The following RBKS variants were observed in gnomAD, a reference collection of about 807,000 sequenced individuals.
RBKS encodes the protein ribokinase.
Under a neutral mutation model 33.9 loss-of-function variants are expected in RBKS, and 33 were observed. The observed-to-expected ratio is 0.97, with a 90% confidence interval of 0.74 to 1.30. RBKS has a LOEUF of 1.30. Ranked by LOEUF, RBKS falls within the 50% of genes most tolerant of loss-of-function variation. The probability of loss-of-function intolerance (pLI) is 0.00; values close to 1 mark genes in which losing one functional copy is unlikely to be tolerated. For missense variants in RBKS, 361 were observed against 392.6 expected (o/e 0.92, Z 0.68); for synonymous variants, 125 against 143.0 (o/e 0.87, Z 0.90).
intron 1 of RBKS, among the ~76,000 whole-genome samples, chr2:27,866,682 ATTT>A (rs922432639): frequency 6.6e-6 from 1 of 151,898 alleles, no homozygotes; most frequent in East Asian, 1.9e-4. Flanking sequence ...CATCCAGTGG[ATTT>A]TTTATTTCAG....
intron 2 of RBKS, among the ~76,000 whole-genome samples, chr2:27,852,598 G>C (rs1437310817): frequency 6.6e-6 from 1 of 152,070 alleles, no homozygotes; most frequent in Non-Finnish European, 1.5e-5. Flanking sequence ...GGTTGTTTAG[G>C]CTGCTTGGAA....
At chr2:27,788,902 C>A (rs1311917377) in intron 7 of RBKS, among the ~76,000 whole-genome samples, 1 of 152,118 alleles carries the variant, frequency 6.6e-6, no homozygotes, top group Non-Finnish European at 1.5e-5. Flanking sequence ...ACTCAATATT[C>A]TTAAGATATA....
At chr2:27,802,540 G>A (rs1040305115) in intron 7 of RBKS, among the ~76,000 whole-genome samples, 4 of 151,900 alleles carry the variant, frequency 2.6e-5, no homozygotes, top group Non-Finnish European at 4.4e-5. Context: ...CCTTGGCATG[G>A]GATGATGATG....
intron 7 of RBKS, among the ~76,000 whole-genome samples, chr2:27,826,459 A>G (rs1329406989): frequency 6.7e-6 from 1 of 149,708 alleles, no homozygotes; most frequent in African/African-American, 2.5e-5. Flanking sequence ...GCCAGGCTAG[A>G]GTGCAGTGGT....
At chr2:27,843,343 T>C in intron 4 of RBKS, 112 bp from the exon 5 acceptor site, 8 of 759,422 alleles carry the variant, frequency 1.1e-5, no homozygotes, top group Non-Finnish European at 1.6e-5. Flanking sequence ...AAATGTGTTA[T>C]TAAGTATTAA....
Position 27,782,670 on chromosome 2 carries a change from T to C in RBKS, c.796-882A>G, listed in dbSNP as rs1034254976. The C allele has an allele frequency of 2.2e-5, 10 of 454,434 alleles. No individual in the cohort carries two copies. In the Admixed American group the frequency reaches 2.4e-4, roughly 11 times the overall value. The allele number at this position is 454,434 out of a possible 1,614,324, so 28.2% of individuals were successfully genotyped here. A position where few individuals can be genotyped will look rare whatever the true frequency, so the allele number is the denominator to read the frequency against. ...GATCAACATGACTTCTTACTGATGG[T>C]GTTAACCCTGGTCACCTGGCTAAGG... On this transcript the variant is annotated intron_variant, in intron 7 of 7. Transcript: ENST00000302188.
intron 4 of RBKS, 34 bp downstream of exon 4, chr2:27,847,008 T>C (rs373776144): frequency 6.9e-7 from 1 of 1,449,580 alleles, no homozygotes; most frequent in Non-Finnish European, 9.7e-7. Flanking sequence ...TACACTGTCT[T>C]ATGAAATGAC....
chr2:27,844,544 C>T (rs975712719), intron 4 of RBKS, among the ~76,000 whole-genome samples: 2 of 151,872 alleles, frequency 1.3e-5, no homozygotes, highest in African/African-American at 2.4e-5. Context: ...AGGGGTGTGC[C>T]GCCACGCCTG....
chr2:27,888,903 C>T (rs1257882385), intron 1 of RBKS, among the ~76,000 whole-genome samples: 6 of 152,256 alleles, frequency 3.9e-5, no homozygotes, highest in African/African-American at 1.4e-4. Flanking sequence ...GTACAGGCCT[C>T]TTCAACAAAT....
intron 5 of RBKS, among the ~76,000 whole-genome samples, chr2:27,842,854 C>T (rs910818681): frequency 2.0e-5 from 3 of 151,668 alleles, no homozygotes; most frequent in African/African-American, 7.3e-5. Context: ...ATTTATATTG[C>T]GGGATATCGG....
intron 7 of RBKS, among the ~76,000 whole-genome samples, chr2:27,804,048 A>G (rs1438342571): frequency 1.3e-5 from 2 of 152,134 alleles, no homozygotes; most frequent in South Asian, 2.1e-4. Flanking sequence ...AAAAGAGCAA[A>G]TATTTTCTGG....
intron 1 of RBKS, among the ~76,000 whole-genome samples, chr2:27,880,647 C>T (rs909629162): frequency 1.1e-4 from 16 of 152,120 alleles, no homozygotes; most frequent in African/African-American, 1.7e-4. Context: ...TAATTAAGAA[C>T]ATAATCCCAT....
At chr2:27,884,911 T>C (rs1314996166) in intron 1 of RBKS, among the ~76,000 whole-genome samples, 4 of 152,186 alleles carry the variant, frequency 2.6e-5, no homozygotes, top group Non-Finnish European at 5.9e-5. Flanking sequence ...TTAAATGTTG[T>C]AGTGCCCTAG....
chr2:27,862,763 C>A (rs575311704), intron 1 of RBKS, among the ~76,000 whole-genome samples: 1 of 152,270 alleles, frequency 6.6e-6, no homozygotes, highest in South Asian at 2.1e-4. Context: ...CAGACTAAGA[C>A]AGTTTATGGC....
chr2:27,882,080 T>C (rs1158177994), intron 1 of RBKS, among the ~76,000 whole-genome samples: 2 of 152,054 alleles, frequency 1.3e-5, no homozygotes, highest in Non-Finnish European at 2.9e-5. Flanking sequence ...CTAATTAAAC[T>C]AAAGAAAACT....
At chr2:27,855,049 C>T (rs1182376968) in intron 2 of RBKS, among the ~76,000 whole-genome samples, 3 of 151,292 alleles carry the variant, frequency 2.0e-5, no homozygotes, top group Non-Finnish European at 4.4e-5. Context: ...CTTACTACCC[C>T]CCGCCCCCCC....
chr2:27,870,847 G>A, intron 1 of RBKS: 1 of 463,108 alleles, frequency 2.2e-6, no homozygotes, highest in Non-Finnish European at 4.4e-6. Flanking sequence ...TGTGGTGTGG[G>A]CTGGCAACAA....
At chr2:27,876,437 C>T (rs190143209) in intron 1 of RBKS, among the ~76,000 whole-genome samples, 18 of 152,242 alleles carry the variant, frequency 1.2e-4, no homozygotes, top group Admixed American at 9.2e-4. Context: ...TAGACTGTTC[C>T]ACAGGTTACA....
intron 1 of RBKS, among the ~76,000 whole-genome samples, chr2:27,878,474 A>G (rs966143618): frequency 2.0e-5 from 3 of 152,212 alleles, no homozygotes; most frequent in African/African-American, 7.2e-5. Flanking sequence ...TATTGTGAAT[A>G]GTACCGCAAT....
Sources: gnomAD v4.1 joint callset for allele counts (sites outside exome capture counted in the v4.1 genomes callset) on GRCh38, gnomAD v4.1.1 for gene constraint, MANE v1.5 for transcripts, NCBI Gene and HGNC (gene_info 2026-07-23, HGNC 2026-07-21) for gene names.